The following THSD7A variants were observed in gnomAD, a reference collection of about 807,000 sequenced individuals.
THSD7A encodes thrombospondin type 1 domain containing 7A.
THSD7A carries 96 observed loss-of-function variants against 231.3 expected under a neutral mutation model. That is an observed-to-expected ratio of 0.41 (90% confidence interval 0.35 to 0.49). THSD7A has a LOEUF of 0.49. THSD7A is among the 20% of genes least tolerant of loss of function. The probability of loss-of-function intolerance (pLI) is 0.05; values close to 1 mark genes in which losing one functional copy is unlikely to be tolerated. For synonymous variants in THSD7A, 940 were observed against 743.3 expected, an observed-to-expected ratio of 1.26 and a Z score of -4.30; for missense variants, 2,290 against 2,070.2, an observed-to-expected ratio of 1.11 and a Z score of -2.06.
At chr7:11,738,349 C>T (rs1176447158) in intron 1 of THSD7A, among the ~76,000 whole-genome samples, 3 of 151,918 alleles carry the variant, frequency 2.0e-5, no homozygotes, top group Non-Finnish European at 2.9e-5. Flanking sequence ...TTTGGAGGCT[C>T]AACTTTTATT....
intron 6 of THSD7A, among the ~76,000 whole-genome samples, chr7:11,540,384 T>G (rs1015392567): frequency 1.3e-5 from 2 of 152,180 alleles, no homozygotes; most frequent in African/African-American, 4.8e-5. Context: ...GACTGAACAG[T>G]GACTGAGTCA....
chr7:11,635,461 T>G (rs1272976829), intron 2 of THSD7A, among the ~76,000 whole-genome samples: 1 of 152,220 alleles, frequency 6.6e-6, no homozygotes, highest in African/African-American at 2.4e-5. Context: ...AGATAGTTTT[T>G]CATAATATAG....
chr7:11,503,219 TC>T (rs2128310935), intron 6 of THSD7A, among the ~76,000 whole-genome samples: 1 of 152,250 alleles, frequency 6.6e-6, no homozygotes, highest in East Asian at 1.9e-4. Flanking sequence ...GGAAAAGACT[TC>T]CTGTTCAATA....
Position 11,375,679 on chromosome 7 carries a change from T to C in THSD7A, c.*115A>G. 1.2e-6 allele frequency: 1 copy of C among 853,002 alleles called. No individual in the cohort carries two copies. Among genetic ancestry groups the C allele is most frequent in the Non-Finnish European group, 1.8e-6 (1 of 546,214 alleles). The allele number at this position is 853,002 out of a possible 1,614,324, so 52.8% of individuals were successfully genotyped here. ...TTTCACTCTTGTCTTTATGATGCCATTTTTAAAAATTAAAATATATTTTAA... is the reference window on the plus strand; with the variant it reads ...TTTCACTCTTGTCTTTATGATGCCACTTTTAAAAATTAAAATATATTTTAA... On this transcript the variant is annotated 3_prime_UTR_variant, in exon 28 of 28. Coordinates refer to ENST00000423059, the MANE Select transcript of THSD7A (RefSeq NM_015204.3).
chr7:11,589,240 C>A (rs1216971507), intron 4 of THSD7A, among the ~76,000 whole-genome samples: 1 of 152,118 alleles, frequency 6.6e-6, no homozygotes, highest in Admixed American at 6.5e-5. Flanking sequence ...GAAATCCAAT[C>A]CTTTCCTCTC....
chr7:11,524,075 G>A (rs916897), intron 6 of THSD7A, among the ~76,000 whole-genome samples: 38,863 of 152,000 alleles, frequency 0.26, 6,353 homozygotes, highest in Non-Finnish European at 0.36. Context: ...TTAGTATGCA[G>A]ATGTGGAAAA....
chr7:11,483,195 G>C (rs1786501371), intron 6 of THSD7A, among the ~76,000 whole-genome samples: 1 of 152,130 alleles, frequency 6.6e-6, no homozygotes. Flanking sequence ...GGGGAGTTAG[G>C]AGCATCATTT....
chr7:11,482,084 T>G (rs1786450420), intron 6 of THSD7A, 102 bp from the exon 7 acceptor site: 1 of 1,291,838 alleles, frequency 7.7e-7, no homozygotes, highest in African/African-American at 1.5e-5. Context: ...ATCTTTCTTT[T>G]GCTCTTACTT....
chr7:11,370,633 T>C lies in THSD7A; in HGVS notation c.*5161A>G, dbSNP rs914688276. 4 of 152,196 alleles carry C rather than the reference T, an allele frequency of 2.6e-5. No individual in the cohort carries two copies. The highest frequency in any genetic ancestry group is 4.8e-5 in the African/African-American group (2 of 41,454). 9.4% of individuals were successfully genotyped at this position (152,196 alleles called of 1,614,324 possible). A position where few individuals can be genotyped will look rare whatever the true frequency, so the allele number is the denominator to read the frequency against. On this transcript the variant is annotated 3_prime_UTR_variant, in exon 28 of 28. Transcript: ENST00000423059. ...TGCGTTAAAAAGGAAATGTACATAA[T>C]GTAAAATAAATTACATTACGCAATT...
intron 6 of THSD7A, among the ~76,000 whole-genome samples, chr7:11,531,458 C>T (rs1235655633): frequency 6.6e-6 from 1 of 152,204 alleles, no homozygotes; most frequent in Non-Finnish European, 1.5e-5. Context: ...AAATTCATCA[C>T]CTAATAACCT....
chr7:11,800,699 A>T (rs958507482), intron 1 of THSD7A, among the ~76,000 whole-genome samples: 1 of 152,188 alleles, frequency 6.6e-6, no homozygotes, highest in African/African-American at 2.4e-5. Context: ...GAAGCAGAGA[A>T]TAGAATTTTG....
chr7:11,639,319 AG>A lies in THSD7A; in HGVS notation c.191-2359del, dbSNP rs577268881. 1.6e-3 allele frequency among the ~76,000 whole-genome samples: 246 copies of A among 152,286 alleles called. 2 individuals carry two copies. The highest frequency in any genetic ancestry group is 0.014 in the Middle Eastern group (4 of 294). On this transcript the variant is annotated intron_variant, in intron 1 of 27. Coordinates refer to ENST00000423059, the MANE Select transcript of THSD7A (RefSeq NM_015204.3). ...AATGATTTTTTATAGCAAACTTATAAGGGTGTCACTTAAAAAACATAACTGT... is the reference window on the plus strand; with the variant it reads ...AATGATTTTTTATAGCAAACTTATAAGGTGTCACTTAAAAAACATAACTGT...
At chr7:11,611,414 C>T (rs1369297693) in intron 2 of THSD7A, among the ~76,000 whole-genome samples, 2 of 151,234 alleles carry the variant, frequency 1.3e-5, no homozygotes, top group African/African-American at 4.9e-5. Flanking sequence ...TCAGAGTGTA[C>T]TAATTCTAAT....
chr7:11,513,366 C>A (rs1029145501), intron 6 of THSD7A, among the ~76,000 whole-genome samples: 88 of 129,116 alleles, frequency 6.8e-4, no homozygotes, highest in Middle Eastern at 7.7e-3. Flanking sequence ...ATAAAAAAAA[C>A]CAAAAAACAA....
chr7:11,407,794 T>G (rs1428774515), intron 19 of THSD7A, among the ~76,000 whole-genome samples: 2 of 152,174 alleles, frequency 1.3e-5, no homozygotes, highest in Non-Finnish European at 2.9e-5. Context: ...ATCAATATTT[T>G]GATCTACAAC....
intron 1 of THSD7A, among the ~76,000 whole-genome samples, chr7:11,693,431 T>C (rs1179037930): frequency 2.0e-5 from 3 of 151,572 alleles, no homozygotes; most frequent in African/African-American, 7.3e-5. Context: ...CAAATTGTAA[T>C]TTAAAATAAA....
intron 1 of THSD7A, among the ~76,000 whole-genome samples, chr7:11,741,022 A>G (rs1782095329): frequency 6.6e-6 from 1 of 151,970 alleles, no homozygotes. Flanking sequence ...TATTTTTCAA[A>G]CTGAGACACT....
chr7:11,641,806 T>C (rs1782092330), intron 1 of THSD7A, among the ~76,000 whole-genome samples: 1 of 151,946 alleles, frequency 6.6e-6, no homozygotes, highest in Non-Finnish European at 1.5e-5. Flanking sequence ...GTCCACCTTG[T>C]AGGCTTTAAC....
rs117907358 is a variant in THSD7A, at chr7:11,770,621, A to G, written c.190+61136T>C. Among the ~76,000 whole-genome samples the G allele has an allele frequency of 1.8e-3, 271 of 152,270 alleles. 2 individuals are homozygous for G. In the East Asian group the frequency reaches 0.019, roughly 11 times the overall value. On this transcript the variant is annotated intron_variant, in intron 1 of 27. Coordinates refer to ENST00000423059, the MANE Select transcript of THSD7A (RefSeq NM_015204.3). ...TTGAAATCTCTCTTCTACTTCAAGG[A>G]CTACACATAGCATGAAAATTGAATC...
Sources: gnomAD v4.1 joint callset for allele counts (sites outside exome capture counted in the v4.1 genomes callset) on GRCh38, gnomAD v4.1.1 for gene constraint, MANE v1.5 for transcripts, NCBI Gene and HGNC (gene_info 2026-07-23, HGNC 2026-07-21) for gene names.